Variants in MYO3B observed in about 807,000 individuals in gnomAD.
The protein encoded by MYO3B is myosin IIIB, also known as myosin-IIIb.
A neutral mutation model predicts 174.6 loss-of-function variants in MYO3B; 156 were observed. That is an observed-to-expected ratio of 0.89 (90% CI 0.78 to 1.02). The LOEUF is 1.02. Among genes scored for constraint, MYO3B ranks in the 50% least tolerant of loss-of-function variants. The pLI is 0.00. For missense variants in MYO3B, 1,632 were observed against 1,639.4 expected, an observed-to-expected ratio of 1.00 and a Z score of 0.08; for synonymous variants, 563 against 569.1, an observed-to-expected ratio of 0.99 and a Z score of 0.15.
intron 7 of MYO3B, among the ~76,000 whole-genome samples, chr2:170,309,302 AGTC>A (rs1480411568): frequency 6.6e-6 from 1 of 152,222 alleles, no homozygotes; most frequent in Non-Finnish European, 1.5e-5. Flanking sequence ...GCTTGCAAAT[AGTC>A]AAAACTATTA....
At chr2:170,235,570 G>T (rs4667630) in intron 6 of MYO3B, among the ~76,000 whole-genome samples, 95,381 of 151,906 alleles carry the variant, frequency 0.63, 30,236 homozygotes, top group African/African-American at 0.71. Flanking sequence ...GGTTATACTC[G>T]CGGGAATTTC....
chr2:170,489,634 G>GGT (rs369174830), intron 25 of MYO3B, among the ~76,000 whole-genome samples: 17,545 of 139,268 alleles, frequency 0.13, 1,147 homozygotes, highest in South Asian at 0.17. Context: ...AACCAGTAGG[G>GGT]GTGTGTGTGT....
Position 170,200,362 on chromosome 2 carries a change from G to A in MYO3B, c.321+78G>A. On this transcript the variant is annotated intron_variant, in intron 3 of 34. Coordinates refer to ENST00000408978, the MANE Select transcript of MYO3B (RefSeq NM_138995.5). ...ACAGATGCTTTATTACCTAGAGGGT[G>A]TTTTAAGGTACACATTTGAGGAGTA... The A allele has an allele frequency of 2.6e-6, 4 of 1,516,354 alleles. No individual in the cohort carries two copies. In the South Asian group the frequency reaches 4.0e-5, roughly 15 times the overall value. The allele number at this position is 1,516,354 out of a possible 1,614,324, so 93.9% of individuals were successfully genotyped here. A position where few individuals can be genotyped will look rare whatever the true frequency, so the allele number is the denominator to read the frequency against.
intron 32 of MYO3B, among the ~76,000 whole-genome samples, chr2:170,649,120 TA>T (rs1698694538): frequency 1.5e-5 from 1 of 67,008 alleles, no homozygotes; most frequent in Non-Finnish European, 2.4e-5. Flanking sequence ...AAATAATATA[TA>T]ATGTATATAA....
At chr2:170,424,042 C>T (rs747128149) in intron 22 of MYO3B, among the ~76,000 whole-genome samples, 8 of 152,118 alleles carry the variant, frequency 5.3e-5, no homozygotes, top group Non-Finnish European at 7.4e-5. Context: ...GACCAAAAAG[C>T]GTGGGGAAGG....
chr2:170,271,666 A>T (rs1293929392), intron 7 of MYO3B, among the ~76,000 whole-genome samples: 18 of 152,116 alleles, frequency 1.2e-4, no homozygotes, highest in Admixed American at 1.2e-3. Context: ...AGCTCCTCAA[A>T]CTGTGCTATC....
chr2:170,551,327 A>G (rs142887978), intron 32 of MYO3B, among the ~76,000 whole-genome samples: 1,742 of 83,230 alleles, frequency 0.021, 32 homozygotes, highest in African/African-American at 0.084. Context: ...GTTTTCATAT[A>G]TATTTAATTT....
intron 12 of MYO3B, among the ~76,000 whole-genome samples, chr2:170,384,317 T>A (rs1350149076): frequency 6.6e-6 from 1 of 152,186 alleles, no homozygotes; most frequent in East Asian, 1.9e-4. Flanking sequence ...AACCTTAAAC[T>A]CAATACTAAA....
chr2:170,360,171 C>G (rs1518730), intron 8 of MYO3B, among the ~76,000 whole-genome samples: 8 of 151,980 alleles, frequency 5.3e-5, no homozygotes, highest in Non-Finnish European at 1.0e-4. Flanking sequence ...GCTGGGTACT[C>G]TCTATTCCTT....
intron 7 of MYO3B, among the ~76,000 whole-genome samples, chr2:170,274,672 T>A (rs374052976): frequency 3.9e-5 from 6 of 152,116 alleles, no homozygotes; most frequent in African/African-American, 1.4e-4. Context: ...TTCTATATCT[T>A]GATTCTAGTG....
intron 32 of MYO3B, among the ~76,000 whole-genome samples, chr2:170,599,844 G>A (rs777580738): frequency 6.6e-6 from 1 of 152,028 alleles, no homozygotes; most frequent in Non-Finnish European, 1.5e-5. Context: ...TTCCCACCTT[G>A]TGATTAAATA....
chr2:170,236,080 T>C lies in MYO3B; in HGVS notation c.693T>C (p.Asp231=), dbSNP rs764332508. 2 of 1,613,982 alleles carry C rather than the reference T, an allele frequency of 1.2e-6. No homozygotes were observed. The highest frequency in any genetic ancestry group is 4.5e-5 in the East Asian group (2 of 44,880). Residue 231 remains aspartate, a synonymous_variant, in exon 7 of 35, where the codon GAT becomes GAC. Transcript: ENST00000408978. ...SLGITAIELG[D]GDPPLFDMHP... is the part of the protein sequence containing the mutation. ...GGATCACAGCTATTGAACTGGGGGA[T>C]GGAGACCCTCCCCTCTTTGACATGC...
At position 170,514,871 on chromosome 2, in the gene MYO3B, C is replaced by G. The variant is rs374179925; in HGVS notation, c.3371-50C>G. On this transcript the variant is annotated intron_variant, in intron 28 of 34. Coordinates refer to ENST00000408978, the MANE Select transcript of MYO3B (RefSeq NM_138995.5). ...TGTATCACCCAGTTTGGTAATTCAT[C>G]TAGGTGTGGGAGCATAACCTTGAGA... The G allele has an allele frequency of 3.8e-5, 58 of 1,526,362 alleles. No homozygotes were observed. In the African/African-American group the frequency reaches 7.5e-4, roughly 20 times the overall value. 94.6% of individuals were successfully genotyped at this position (1,526,362 alleles called of 1,614,324 possible).
chr2:170,324,167 A>G (rs1456650677), intron 7 of MYO3B, among the ~76,000 whole-genome samples: 1 of 152,156 alleles, frequency 6.6e-6, no homozygotes, highest in Admixed American at 6.5e-5. Flanking sequence ...CTCATACAAC[A>G]TTGGAATCAT....
chr2:170,416,724 G>A (rs183880417), intron 22 of MYO3B, among the ~76,000 whole-genome samples: 2 of 137,332 alleles, frequency 1.5e-5, no homozygotes, highest in Non-Finnish European at 3.1e-5. Context: ...CTCTGTTTTT[G>A]TTTTGTTCCT....
At chr2:170,567,461 T>TGA (rs1181580766) in intron 32 of MYO3B, among the ~76,000 whole-genome samples, 1 of 152,246 alleles carries the variant, frequency 6.6e-6, no homozygotes, top group Non-Finnish European at 1.5e-5. Flanking sequence ...TCTTTGGACC[T>TGA]AAAAGTATGA....
chr2:170,576,996 A>G (rs1278485552), intron 32 of MYO3B, among the ~76,000 whole-genome samples: 5 of 152,188 alleles, frequency 3.3e-5, no homozygotes, highest in Non-Finnish European at 7.3e-5. Flanking sequence ...CCCCAATCCT[A>G]GCTAATCAGG....
chr2:170,304,293 G>A (rs116065689), intron 7 of MYO3B, among the ~76,000 whole-genome samples: 2,536 of 151,892 alleles, frequency 0.017, 82 homozygotes, highest in African/African-American at 0.058. Context: ...TCAACAGTTG[G>A]TATTACTAAT....
chr2:170,245,242 GT>G (rs905230718), intron 7 of MYO3B, among the ~76,000 whole-genome samples: 2 of 152,194 alleles, frequency 1.3e-5, no homozygotes, highest in African/African-American at 4.8e-5. Context: ...GGCAATGGGG[GT>G]CTCTAACTAG....
Sources: gnomAD v4.1 joint callset for allele counts (sites outside exome capture counted in the v4.1 genomes callset) on GRCh38, gnomAD v4.1.1 for gene constraint, MANE v1.5 for transcripts, NCBI Gene and HGNC (gene_info 2026-07-23, HGNC 2026-07-21) for gene names.